PCDHA9: variants seen among roughly 807,000 people sequenced by gnomAD.
PCDHA9 encodes the protein protocadherin alpha 9.
Under a neutral mutation model 62.0 loss-of-function variants are expected in PCDHA9, and 62 were observed. The observed-to-expected ratio is 1.00, with a 90% CI of 0.81 to 1.23. The LOEUF is 1.23. Ranked by LOEUF, PCDHA9 falls within the 50% of genes most tolerant of loss-of-function variation. The pLI, the probability that PCDHA9 is intolerant of heterozygous loss-of-function variation, is 0.00. For missense variants in PCDHA9, 1,205 were observed against 1,249.8 expected (o/e 0.96, Z 0.54); for synonymous variants, 557 against 567.6 (o/e 0.98, Z 0.27).
chr5:140,852,108 G>A, intron 1 of PCDHA9: 1 of 906,254 alleles, frequency 1.1e-6, no homozygotes, highest in Non-Finnish European at 1.3e-6. Context: ...TATTTTACAA[G>A]GTATGACCTA....
intron 3 of PCDHA9, among the ~76,000 whole-genome samples, chr5:140,990,910 A>G (rs1460988111): frequency 1.3e-5 from 2 of 152,198 alleles, no homozygotes; most frequent in African/African-American, 2.4e-5. Context: ...GTCAAGTTTT[A>G]TAAGTCTTTA....
intron 1 of PCDHA9, chr5:140,871,313 C>A (rs371295919): frequency 1.4e-5 from 23 of 1,613,924 alleles, no homozygotes; most frequent in African/African-American, 9.3e-5. Context: ...GGGAAGCCCA[C>A]GCTGGTGTGC....
chr5:140,894,484 T>C (rs2064498102), intron 1 of PCDHA9, among the ~76,000 whole-genome samples: 1 of 152,002 alleles, frequency 6.6e-6, no homozygotes, highest in Admixed American at 6.5e-5. Flanking sequence ...TTTCATCTTA[T>C]AGTTTTCTTT....
At chr5:140,976,423 T>C (rs1378184646) in intron 1 of PCDHA9, among the ~76,000 whole-genome samples, 22 of 151,886 alleles carry the variant, frequency 1.4e-4, no homozygotes, top group Admixed American at 1.3e-3. Context: ...CGGTGGCAGA[T>C]GCCTGTAATC....
At chr5:140,970,280 C>G (rs1445871505) in intron 1 of PCDHA9, among the ~76,000 whole-genome samples, 3 of 152,138 alleles carry the variant, frequency 2.0e-5, no homozygotes, top group East Asian at 1.9e-4. Flanking sequence ...TGTAAAGTAG[C>G]CTTTTCAAGT....
At chr5:140,950,384 T>C (rs1242946878) in intron 1 of PCDHA9, among the ~76,000 whole-genome samples, 8 of 152,028 alleles carry the variant, frequency 5.3e-5, no homozygotes, top group Non-Finnish European at 8.8e-5. Context: ...TCCATTTGAA[T>C]GATATAGAAT....
Position 140,850,010 on chromosome 5 carries a change from G to C in PCDHA9, c.1515G>C (p.Ser505=). The C allele has an allele frequency of 6.3e-7, 1 of 1,597,002 alleles. No homozygotes were observed. The change falls in exon 1 of 4, where the codon TCG becomes TCC. Residue 505 remains serine (S), a synonymous_variant. Coordinates refer to ENST00000532602, the MANE Select transcript of PCDHA9 (RefSeq NM_031857.2). ...VERRLGERSL[S]SYVSVHAESG... is the part of the protein sequence containing the mutation. ...GGCGGTTGGGCGAGCGCTCGCTGTC[G>C]AGCTACGTGTCAGTGCACGCGGAGA... is the stretch of plus-strand genomic sequence containing the variant.
intron 3 of PCDHA9, among the ~76,000 whole-genome samples, chr5:140,995,404 A>G (rs941348184): frequency 1.3e-5 from 2 of 152,184 alleles, no homozygotes; most frequent in Admixed American, 6.5e-5. Flanking sequence ...ATGGCTCGAG[A>G]TTTCATCACA....
At position 140,929,511 on chromosome 5, in the gene PCDHA9, G is replaced by A. The variant is rs113234119; in HGVS notation, c.2395-49438G>A. On this transcript the variant is annotated intron_variant, in intron 1 of 3. Coordinates refer to ENST00000532602, the MANE Select transcript of PCDHA9 (RefSeq NM_031857.2). ...TTAGAAGATTGCCCTAGGCCTCAAG[G>A]GACTTATAGTTTATTTTTGAGAAAC... 1,947 of 781,082 alleles carry A rather than the reference G, an allele frequency of 2.5e-3. 24 individuals carry two copies. The African/African-American group carries it at 0.032, about 13-fold the overall frequency. 48.4% of individuals were successfully genotyped at this position (781,082 alleles called of 1,614,324 possible).
chr5:140,989,727 A>C (rs1203211477), intron 3 of PCDHA9, among the ~76,000 whole-genome samples: 7 of 152,190 alleles, frequency 4.6e-5, no homozygotes, highest in African/African-American at 1.7e-4. Context: ...TTTGCAGTTG[A>C]AAAGGCCATT....
intron 1 of PCDHA9, chr5:140,966,383 C>T: frequency 2.5e-6 from 1 of 405,022 alleles, no homozygotes; most frequent in East Asian, 3.6e-5. Context: ...TCCGGGTTCG[C>T]TGTCCGCCAC....
rs1231451796 is a variant in PCDHA9, at chr5:140,869,049, G to T, written c.2394+18160G>T. On this transcript the variant is annotated intron_variant, in intron 1 of 3. Coordinates refer to ENST00000532602, the MANE Select transcript of PCDHA9 (RefSeq NM_031857.2). ...ACGAGATTTTTAACCTGAAACTGAA[G>T]AATCTGGTACTGTAAGTGTAAAGAA... 1.1e-5 allele frequency: 17 copies of T among 1,532,472 alleles called. No homozygotes were observed. The South Asian group carries it at 2.1e-4, about 19-fold the overall frequency. 94.9% of individuals were successfully genotyped at this position (1,532,472 alleles called of 1,614,324 possible).
At chr5:140,927,090 C>T (rs368092094) in intron 1 of PCDHA9, 34 of 1,612,532 alleles carry the variant, frequency 2.1e-5, no homozygotes, top group Non-Finnish European at 1.4e-5. Flanking sequence ...AGCTCTACTT[C>T]GGGGTGGATC....
In PCDHA9 at chr5:140,884,521, G is replaced by A. The variant is rs569278761; in HGVS notation, c.2394+33632G>A. On this transcript the variant is annotated intron_variant, in intron 1 of 3. Transcript: ENST00000532602. ...GCGCGGCAGGGAGTTGGTCGTACTCGCAGCAGAGGCGGCCGAGGGTGTGCT... is the reference window on the plus strand; with the variant it reads ...GCGCGGCAGGGAGTTGGTCGTACTCACAGCAGAGGCGGCCGAGGGTGTGCT... 8.1e-6 allele frequency: 13 copies of A among 1,614,196 alleles called. No homozygotes were observed. In the East Asian group the frequency reaches 2.0e-4, roughly 25 times the overall value.
At chr5:140,908,455 AT>A (rs367827339) in intron 1 of PCDHA9, among the ~76,000 whole-genome samples, 51 of 152,296 alleles carry the variant, frequency 3.3e-4, no homozygotes, top group African/African-American at 9.9e-4. Flanking sequence ...GGCTAGATGG[AT>A]CAGAAAGCAC....
At chr5:141,006,880 G>A (rs1554260955) in intron 3 of PCDHA9, among the ~76,000 whole-genome samples, 1 of 152,192 alleles carries the variant, frequency 6.6e-6, no homozygotes, top group Non-Finnish European at 1.5e-5. Flanking sequence ...GAGGAATCAA[G>A]AGTTTGATTT....
intron 1 of PCDHA9, chr5:140,863,768 G>C (rs2048166638): frequency 4.1e-6 from 1 of 242,260 alleles, no homozygotes; most frequent in African/African-American, 2.2e-5. Flanking sequence ...GGAAGCCGAG[G>C]CGGGCGGATC....
At chr5:140,894,446 T>TA (rs2064476840) in intron 1 of PCDHA9, among the ~76,000 whole-genome samples, 2 of 152,118 alleles carry the variant, frequency 1.3e-5, no homozygotes, top group East Asian at 3.9e-4. Flanking sequence ...AGCTCTTTTT[T>TA]AAAAAATATT....
Position 140,848,462 on chromosome 5 carries a change from T to C in PCDHA9, c.-34T>C. 1 of 1,542,130 alleles carries C rather than the reference T, an allele frequency of 6.5e-7. No individual in the cohort carries two copies. Among genetic ancestry groups the C allele is most frequent in the Non-Finnish European group, 8.8e-7 (1 of 1,135,922 alleles). ...ATGATTTCTTCTAATTTGGAGGCAA[T>C]TTTCACTAATTAGAAGAAGACTGAG... On this transcript the variant is annotated 5_prime_UTR_variant, in exon 1 of 4. Coordinates refer to ENST00000532602, the MANE Select transcript of PCDHA9 (RefSeq NM_031857.2).
Sources: gnomAD v4.1 joint callset for allele counts (sites outside exome capture counted in the v4.1 genomes callset) on GRCh38, gnomAD v4.1.1 for gene constraint, MANE v1.5 for transcripts, NCBI Gene and HGNC (gene_info 2026-07-23, HGNC 2026-07-21) for gene names.